ANOS1: variants seen among roughly 807,000 people sequenced by gnomAD.
The protein encoded by ANOS1 is anosmin 1, also known as anosmin-1.
Under a neutral mutation model 59.0 loss-of-function variants are expected in ANOS1, and 6 were observed. That is an observed-to-expected ratio of 0.10 (90% CI 0.06 to 0.20). The LOEUF (loss-of-function observed/expected upper bound fraction) is 0.20, where lower values mean the gene tolerates loss of function less well. Among genes scored for constraint, ANOS1 ranks in the 10% least tolerant of loss-of-function variants. The probability of loss-of-function intolerance (pLI) is 1.00; values close to 1 mark genes in which losing one functional copy is unlikely to be tolerated. For missense variants in ANOS1, 433 were observed against 542.3 expected (o/e 0.80, Z 2.00); for synonymous variants, 217 against 223.4 (o/e 0.97, Z 0.25).
intron 2 of ANOS1, among the ~76,000 whole-genome samples, chrX:8,689,160 A>G (rs937859802): frequency 8.9e-6 from 1 of 111,795 alleles, no homozygotes; most frequent in African/African-American, 3.3e-5. Context: ...TCTCAGGACT[A>G]TTTCCTGGCC....
intron 2 of ANOS1, among the ~76,000 whole-genome samples, chrX:8,646,317 A>T (rs149059358): frequency 3.7e-3 from 408 of 110,886 alleles, no homozygotes; most frequent in African/African-American, 0.013. Flanking sequence ...AGCTGGGACT[A>T]TCGGTGCGTG....
rs756430633 is a variant in ANOS1 at position 8,663,027 on chromosome X, T to TAAATA, written c.255+36666_255+36670dup. 4.4e-3 allele frequency among the ~76,000 whole-genome samples: 484 copies of TAAATA among 109,366 alleles called. 3 individuals carry two copies. Among genetic ancestry groups the TAAATA allele is most frequent in the African/African-American group, 0.014 (427 of 30,019 alleles). 95.0% of individuals were successfully genotyped at this position (109,366 alleles called of 115,157 possible). A position where few individuals can be genotyped will look rare whatever the true frequency, so the allele number is the denominator to read the frequency against. The stretch of plus-strand genomic sequence containing the variant: ...GAAACTCTGTCTCAAAATAAATAAA[T>TAAATA]AAATAAAATAAAATAAAATAAAATA... On this transcript the variant is annotated intron_variant, in intron 2 of 13. Coordinates refer to ENST00000262648, the MANE Select transcript of ANOS1 (RefSeq NM_000216.4).
intron 2 of ANOS1, among the ~76,000 whole-genome samples, chrX:8,633,230 G>A (rs1182036965): frequency 3.6e-5 from 4 of 111,550 alleles, no homozygotes; most frequent in Non-Finnish European, 7.5e-5. Context: ...TGAAACGTCC[G>A]AAGGGCAATG....
At chrX:8,561,537 G>A (rs930108378) in intron 8 of ANOS1, among the ~76,000 whole-genome samples, 4 of 99,095 alleles carry the variant, frequency 4.0e-5, no homozygotes, top group Admixed American at 1.2e-4. Flanking sequence ...GGATGGTCTC[G>A]ATCTCCTGAC....
intron 1 of ANOS1, among the ~76,000 whole-genome samples, chrX:8,715,557 G>A (rs1178233112): frequency 9.2e-6 from 1 of 109,133 alleles, no homozygotes; most frequent in Non-Finnish European, 1.9e-5. Flanking sequence ...GGGATGACAG[G>A]CCCACCATGG....
intron 2 of ANOS1, among the ~76,000 whole-genome samples, chrX:8,664,914 G>C (rs764522688): frequency 8.9e-6 from 1 of 111,772 alleles, no homozygotes; most frequent in Admixed American, 9.5e-5. Flanking sequence ...CAATTTCACA[G>C]GTCCGCATAA....
intron 2 of ANOS1, among the ~76,000 whole-genome samples, chrX:8,685,031 T>G (rs1381651438): frequency 9.0e-6 from 1 of 110,852 alleles, no homozygotes; most frequent in Non-Finnish European, 1.9e-5. Context: ...GGGGTTGTCC[T>G]GGCCCCTGCG....
chrX:8,663,999 T>TGAGAACACATGGACACAGGGAG (rs1353013773), intron 2 of ANOS1, among the ~76,000 whole-genome samples: 2 of 109,852 alleles, frequency 1.8e-5, no homozygotes, highest in East Asian at 5.8e-4. Flanking sequence ...AGCTGAACAA[T>TGAGAACACATGGACACAGGGAG]GAGAACACAT....
At chrX:8,533,542 A>T (rs1379867923) in intron 13 of ANOS1, among the ~76,000 whole-genome samples, 1 of 112,318 alleles carries the variant, frequency 8.9e-6, no homozygotes, top group Admixed American at 9.5e-5. Flanking sequence ...AATCAGAGTT[A>T]AAACTATGAC....
chrX:8,537,749 CGTGTGTGTGTGTGTGTGT>C (rs202035920), intron 10 of ANOS1, among the ~76,000 whole-genome samples: 3 of 94,723 alleles, frequency 3.2e-5, no homozygotes, highest in East Asian at 6.7e-4. Flanking sequence ...ATGGTTTTTA[CGTGTGTGTGTGTGTGTGT>C]GTGTGTGTGT....
intron 1 of ANOS1, among the ~76,000 whole-genome samples, chrX:8,720,719 T>C (rs193251349): frequency 1.1e-3 from 123 of 110,051 alleles, no homozygotes; most frequent in Non-Finnish European, 2.0e-3. Flanking sequence ...CTGATCAACA[T>C]AGCAAGACCC....
At chrX:8,597,541 G>A (rs1453766224) in intron 3 of ANOS1, among the ~76,000 whole-genome samples, 3 of 106,874 alleles carry the variant, frequency 2.8e-5, no homozygotes, top group Non-Finnish European at 5.7e-5. Flanking sequence ...GGTCAAAGAT[G>A]TTTTCCAAAA....
At chrX:8,724,216 C>T (rs144950051) in intron 1 of ANOS1, among the ~76,000 whole-genome samples, 1,617 of 111,984 alleles carry the variant, frequency 0.014, 12 homozygotes, top group Middle Eastern at 0.037. Context: ...TCTATAAGAA[C>T]CGAGTTGTCT....
At position 8,536,148 on chromosome X, in the gene ANOS1, G is replaced by T. The variant is rs186277454; in HGVS notation, c.1622-337C>A. On this transcript the variant is annotated intron_variant, in intron 11 of 13. Coordinates refer to ENST00000262648, the MANE Select transcript of ANOS1 (RefSeq NM_000216.4). The stretch of plus-strand genomic sequence containing the variant: ...GAATAGCATTGACTGCAGTGAGAAG[G>T]TAAATATTAAAGCTGTTAGAAGAGT... 5.5e-3 allele frequency among the ~76,000 whole-genome samples: 536 copies of T among 97,781 alleles called. 3 individuals are homozygous for T. The highest frequency in any genetic ancestry group is 8.5e-3 in the Non-Finnish European group (420 of 49,448). The allele number at this position is 97,781 out of a possible 115,157, so 84.9% of individuals were successfully genotyped here.
intron 2 of ANOS1, among the ~76,000 whole-genome samples, chrX:8,668,088 G>T (rs143013044): frequency 1.3e-4 from 14 of 108,662 alleles, no homozygotes; most frequent in African/African-American, 4.7e-4. Context: ...GGTTACATGA[G>T]TAAGTTCTTT....
chrX:8,645,357 G>A (rs1199980192), intron 2 of ANOS1, among the ~76,000 whole-genome samples: 1 of 111,813 alleles, frequency 8.9e-6, no homozygotes, highest in Non-Finnish European at 1.9e-5. Flanking sequence ...AATGTGAATT[G>A]ACAAAGATTC....
At chrX:8,713,526 C>A (rs6530199) in intron 1 of ANOS1, among the ~76,000 whole-genome samples, 51,766 of 110,325 alleles carry the variant, frequency 0.47, 9,117 homozygotes, top group East Asian at 0.61. Flanking sequence ...CTGATCCCCA[C>A]GAAAGCCTGA....
At chrX:8,726,817 A>C (rs1373227622) in intron 1 of ANOS1, among the ~76,000 whole-genome samples, 4 of 112,247 alleles carry the variant, frequency 3.6e-5, no homozygotes, top group Non-Finnish European at 7.5e-5. Context: ...ACCTATAAAG[A>C]GACAGGGCTT....
At chrX:8,637,681 T>G (rs1009384524) in intron 2 of ANOS1, among the ~76,000 whole-genome samples, 2 of 111,699 alleles carry the variant, frequency 1.8e-5, no homozygotes, top group Non-Finnish European at 3.8e-5. Flanking sequence ...AGCTACCATA[T>G]TGGAGAGAAG....
Sources: gnomAD v4.1 joint callset for allele counts (sites outside exome capture counted in the v4.1 genomes callset) on GRCh38, gnomAD v4.1.1 for gene constraint, MANE v1.5 for transcripts, NCBI Gene and HGNC (gene_info 2026-07-23, HGNC 2026-07-21) for gene names.